The following EBF1 variants were observed in gnomAD, a reference collection of about 807,000 sequenced individuals.
The protein encoded by EBF1 is EBF transcription factor 1, also known as transcription factor COE1.
Under a neutral mutation model 68.4 loss-of-function variants are expected in EBF1, and 10 were observed. The observed-to-expected ratio is 0.15, with a 90% CI of 0.09 to 0.25. The LOEUF is 0.25. Ranked by LOEUF, EBF1 falls within the 10% of genes least tolerant of loss-of-function variation. The pLI is 1.00. For missense variants in EBF1, 509 were observed against 794.4 expected (o/e 0.64, Z 4.32); for synonymous variants, 298 against 299.8 (o/e 0.99, Z 0.06).
intron 6 of EBF1, among the ~76,000 whole-genome samples, chr5:158,935,689 A>G (rs1043792252): frequency 6.6e-6 from 1 of 152,222 alleles, no homozygotes; most frequent in Admixed American, 6.5e-5. Flanking sequence ...TCCCATCACT[A>G]TAATGAGCCA....
At chr5:158,995,303 C>T (rs957587789) in intron 6 of EBF1, among the ~76,000 whole-genome samples, 1 of 152,172 alleles carries the variant, frequency 6.6e-6, no homozygotes, top group Admixed American at 6.5e-5. Flanking sequence ...CTTCATGATA[C>T]AGTCATATTT....
At chr5:159,017,717 G>C (rs1267528749) in intron 6 of EBF1, among the ~76,000 whole-genome samples, 1 of 152,148 alleles carries the variant, frequency 6.6e-6, no homozygotes, top group Non-Finnish European at 1.5e-5. Context: ...TACACACAAA[G>C]AAGAAACAAA....
intron 6 of EBF1, among the ~76,000 whole-genome samples, chr5:159,022,665 A>T (rs1766938969): frequency 1.3e-5 from 2 of 152,208 alleles, no homozygotes; most frequent in African/African-American, 4.8e-5. Flanking sequence ...GTTTGTATAT[A>T]ATGAAGAAGA....
intron 8 of EBF1, among the ~76,000 whole-genome samples, chr5:158,801,772 C>T (rs1344286283): frequency 1.3e-5 from 2 of 151,946 alleles, no homozygotes; most frequent in South Asian, 2.1e-4. Context: ...TTGCTATCAC[C>T]TACTCTATCT....
At chr5:158,858,902 T>C (rs1011927226) in intron 6 of EBF1, among the ~76,000 whole-genome samples, 40 of 151,688 alleles carry the variant, frequency 2.6e-4, no homozygotes, top group African/African-American at 9.0e-4. Flanking sequence ...GCCGGGTGAG[T>C]GACAGGGAGA....
chr5:159,066,069 C>G (rs1394060611), intron 6 of EBF1, among the ~76,000 whole-genome samples: 1 of 152,062 alleles, frequency 6.6e-6, no homozygotes, highest in African/African-American at 2.4e-5. Context: ...TTAGATGTCA[C>G]TAGGCTTTTG....
chr5:158,854,180 AACC>A (rs1171157318), intron 6 of EBF1, among the ~76,000 whole-genome samples: 2 of 152,224 alleles, frequency 1.3e-5, no homozygotes, highest in African/African-American at 4.8e-5. Context: ...AAACTGTAAT[AACC>A]AAAGTGGCAG....
chr5:159,024,537 T>C (rs1212633748), intron 6 of EBF1, among the ~76,000 whole-genome samples: 1 of 152,210 alleles, frequency 6.6e-6, no homozygotes. Context: ...CCTGTTTGAC[T>C]CCTAATGTTA....
At chr5:158,909,085 C>A (rs73300081) in intron 6 of EBF1, among the ~76,000 whole-genome samples, 1 of 146,836 alleles carries the variant, frequency 6.8e-6, no homozygotes, top group Non-Finnish European at 1.5e-5. Context: ...ATTAATATAA[C>A]GGCACATGGG....
At chr5:158,841,242 G>A (rs1790283256) in intron 6 of EBF1, among the ~76,000 whole-genome samples, 2 of 152,160 alleles carry the variant, frequency 1.3e-5, no homozygotes, top group Non-Finnish European at 2.9e-5. Context: ...AACTTTCTGA[G>A]TTATTTCTTA....
intron 8 of EBF1, among the ~76,000 whole-genome samples, chr5:158,797,287 G>A (rs1779760582): frequency 6.6e-6 from 1 of 152,152 alleles, no homozygotes; most frequent in Non-Finnish European, 1.5e-5. Context: ...AATGAGCATG[G>A]CATACTTTCA....
intron 6 of EBF1, among the ~76,000 whole-genome samples, chr5:159,007,247 A>AG (rs1227304647): frequency 1.3e-5 from 2 of 152,202 alleles, no homozygotes; most frequent in African/African-American, 2.4e-5. Flanking sequence ...GCACAGAGAG[A>AG]GAAAAAAAGG....
intron 10 of EBF1, among the ~76,000 whole-genome samples, chr5:158,745,931 C>G (rs754704043): frequency 2.6e-5 from 4 of 152,124 alleles, no homozygotes; most frequent in Non-Finnish European, 5.9e-5. Context: ...TTTCCTAATT[C>G]CCATGGAATA....
At chr5:158,974,392 T>C (rs1043302164) in intron 6 of EBF1, among the ~76,000 whole-genome samples, 1 of 152,234 alleles carries the variant, frequency 6.6e-6, no homozygotes, top group African/African-American at 2.4e-5. Flanking sequence ...TTGAGAGGCA[T>C]TGCAAAAATC....
At chr5:158,826,543 T>C (rs1419788658) in intron 7 of EBF1, among the ~76,000 whole-genome samples, 1 of 152,244 alleles carries the variant, frequency 6.6e-6, no homozygotes, top group Non-Finnish European at 1.5e-5. Context: ...GTCCAAGTTA[T>C]ATCTCCTGAA....
At position 159,077,420 on chromosome 5, in the gene EBF1, G is replaced by A. The variant is rs554171481; in HGVS notation, c.486-3956C>T. On this transcript the variant is annotated intron_variant, in intron 5 of 15. Transcript: ENST00000313708. ...TGCCATTCCAGCCTGGGTGACAAGA[G>A]CAAAACTCCGTCTCAAAAAGAAAAA... Among the ~76,000 whole-genome samples, 11 of 152,236 alleles carry A rather than the reference G, an allele frequency of 7.2e-5. No homozygotes were observed. In the South Asian group the frequency reaches 2.1e-3, roughly 29 times the overall value.
At chr5:158,833,395 G>A (rs569949112) in intron 7 of EBF1, among the ~76,000 whole-genome samples, 1 of 152,070 alleles carries the variant, frequency 6.6e-6, no homozygotes, top group Admixed American at 6.5e-5. Flanking sequence ...TATAGCAGCA[G>A]TTACAATTTC....
chr5:158,825,325 C>T lies in EBF1; in HGVS notation c.637-2008G>A, dbSNP rs117822600. On this transcript the variant is annotated intron_variant, in intron 7 of 15. Coordinates refer to ENST00000313708, the MANE Select transcript of EBF1 (RefSeq NM_024007.5). The stretch of plus-strand genomic sequence containing the variant: ...GACGACTTCTTAGGACTTACAATTA[C>T]ATAACAGAGCTGGGTCTTTCAAAGA... Among the ~76,000 whole-genome samples, 262 of 152,268 alleles carry T rather than the reference C, an allele frequency of 1.7e-3. 1 individual carries two copies. The highest frequency in any genetic ancestry group is 0.01 in the East Asian group (54 of 5,182).
At chr5:158,867,687 C>T (rs1403395627) in intron 6 of EBF1, among the ~76,000 whole-genome samples, 4 of 152,158 alleles carry the variant, frequency 2.6e-5, no homozygotes, top group Admixed American at 2.0e-4. Context: ...AAACACCTCT[C>T]CATTTATTGG....
Sources: allele counts gnomAD v4.1 joint callset (sites outside exome capture counted in the v4.1 genomes callset), GRCh38; gene constraint gnomAD v4.1.1; transcripts MANE v1.5; gene names NCBI Gene and HGNC (gene_info 2026-07-23, HGNC 2026-07-21).